Variants in DAB1 observed in about 807,000 individuals in gnomAD.
DAB1 encodes disabled homolog 1.
Under a neutral mutation model 64.6 loss-of-function variants are expected in DAB1, and 15 were observed. The ratio of observed to expected loss-of-function variants is 0.23; its 90% confidence interval spans 0.16 to 0.36. The LOEUF (loss-of-function observed/expected upper bound fraction) is 0.36, where lower values mean the gene tolerates loss of function less well. Among genes scored for constraint, DAB1 ranks in the 10% least tolerant of loss-of-function variants. DAB1 has a pLI of 1.00. For missense variants in DAB1, 596 were observed against 706.7 expected (o/e 0.84, Z 1.78); for synonymous variants, 235 against 251.9 (o/e 0.93, Z 0.64).
At chr1:57,972,453 G>A (rs1645820608) in intron 5 of DAB1, among the ~76,000 whole-genome samples, 1 of 152,028 alleles carries the variant, frequency 6.6e-6, no homozygotes, top group African/African-American at 2.4e-5. Flanking sequence ...ATGTTGCCCA[G>A]GCTGGTCTCG....
intron 4 of DAB1, among the ~76,000 whole-genome samples, chr1:58,150,867 G>A (rs1654890196): frequency 1.3e-5 from 2 of 151,716 alleles, no homozygotes; most frequent in Admixed American, 6.6e-5. Context: ...GACAAGCCCT[G>A]GTGTGTGATG....
intron 7 of DAB1, among the ~76,000 whole-genome samples, chr1:57,606,976 G>A (rs889949911): frequency 2.6e-5 from 4 of 151,336 alleles, no homozygotes; most frequent in African/African-American, 7.3e-5. Context: ...TAATAGAGAC[G>A]GGGTGTCACC....
At chr1:57,913,324 AC>A (rs1317055208) in intron 5 of DAB1, among the ~76,000 whole-genome samples, 3 of 152,230 alleles carry the variant, frequency 2.0e-5, no homozygotes, top group Non-Finnish European at 4.4e-5. Flanking sequence ...GACAACCCTG[AC>A]AAAAACAAGA....
rs550682750 is a variant in DAB1, at chr1:58,344,151, G to A, written n.258-748C>T. Among the ~76,000 whole-genome samples, 1,174 of 152,140 alleles carry A rather than the reference G, an allele frequency of 7.7e-3. 7 individuals are homozygous for A. The highest frequency in any genetic ancestry group is 0.012 in the Non-Finnish European group (828 of 68,022). Reference sequence around the variant, plus strand: ...AAGTTACTTAACCTCTCTGAGTCTCGCTGTTCTCAACTGGCAAGACAAGCA... The same window carrying A: ...AAGTTACTTAACCTCTCTGAGTCTCACTGTTCTCAACTGGCAAGACAAGCA... On this transcript the variant is annotated intron_variant and non_coding_transcript_variant, in intron 3 of 20. Transcript: ENST00000485760.
intron 4 of DAB1, among the ~76,000 whole-genome samples, chr1:57,084,116 A>T (rs1387222768): frequency 1.3e-5 from 2 of 152,252 alleles, no homozygotes; most frequent in East Asian, 3.9e-4. Context: ...AGTACTTCAG[A>T]AAGTGATCTT....
intron 1 of DAB1, among the ~76,000 whole-genome samples, chr1:57,307,960 C>G (rs1233594664): frequency 1.3e-5 from 2 of 152,208 alleles, no homozygotes; most frequent in African/African-American, 4.8e-5. Context: ...TGTTGAATCT[C>G]TGCACCTTTG....
At chr1:57,695,350 AAGAAAAGAAAG>A (rs1646818851) in intron 6 of DAB1, among the ~76,000 whole-genome samples, 1 of 118,108 alleles carries the variant, frequency 8.5e-6, no homozygotes, top group Non-Finnish European at 1.8e-5. Context: ...GAAAGAAAGA[AAGAAAAGAAAG>A]AAGAAAGAAA....
At chr1:57,995,718 G>T (rs1433347618) in intron 5 of DAB1, among the ~76,000 whole-genome samples, 3 of 151,968 alleles carry the variant, frequency 2.0e-5, no homozygotes, top group African/African-American at 4.8e-5. Context: ...TAGGGAAAAA[G>T]GACTAGCGAG....
intron 2 of DAB1, among the ~76,000 whole-genome samples, chr1:57,167,111 A>T (rs1661275204): frequency 6.6e-6 from 1 of 152,214 alleles, no homozygotes; most frequent in African/African-American, 2.4e-5. Flanking sequence ...TGAGGCTGGG[A>T]ATATAAGTCT....
At chr1:57,607,025 G>C (rs1645663204) in intron 7 of DAB1, among the ~76,000 whole-genome samples, 1 of 148,134 alleles carries the variant, frequency 6.8e-6, no homozygotes, top group South Asian at 2.2e-4. Flanking sequence ...GACCTCAGAT[G>C]ATCCATCTGC....
chr1:58,140,981 G>A (rs776265730), intron 5 of DAB1, among the ~76,000 whole-genome samples: 7 of 152,152 alleles, frequency 4.6e-5, no homozygotes, highest in Non-Finnish European at 7.3e-5. Context: ...ATAAAGAAAA[G>A]AGGTTTAATT....
chr1:57,321,531 G>C (rs1675714375), intron 1 of DAB1, among the ~76,000 whole-genome samples: 1 of 152,118 alleles, frequency 6.6e-6, no homozygotes, highest in Non-Finnish European at 1.5e-5. Context: ...TTTTATACAT[G>C]GGCGTGTAAA....
chr1:57,646,008 T>C lies in DAB1; in HGVS notation n.625+3584A>G, dbSNP rs535091248. Among the ~76,000 whole-genome samples the C allele has an allele frequency of 2.0e-5, 3 of 152,018 alleles. No homozygotes were observed. The South Asian group carries it at 6.2e-4, about 32-fold the overall frequency. ...GAGGAAATAAAAACAAAGAGTCATA[T>C]AGGAGGCACTAAAGGGAAGAACTGA... On this transcript the variant is annotated intron_variant and non_coding_transcript_variant, in intron 7 of 20. Coordinates refer to the DAB1 transcript ENST00000485760.
Position 57,048,583 on chromosome 1 carries a change from T to C in DAB1, c.723+14301A>G, listed in dbSNP as rs1267596033. On this transcript the variant is annotated intron_variant, in intron 9 of 14. Coordinates refer to ENST00000371236, the MANE Select transcript of DAB1 (RefSeq NM_001365792.1). The stretch of plus-strand genomic sequence containing the variant: ...CTTCTCCTACCCACGTAATAACGAG[T>C]GGATTATTCTGGACAGTAGTTTTCA... Among the ~76,000 whole-genome samples, 3 of 152,156 alleles carry C rather than the reference T, an allele frequency of 2.0e-5. No individual in the cohort carries two copies. In the East Asian group the frequency reaches 5.8e-4, roughly 29 times the overall value.
chr1:57,781,126 C>CTCTATATA (rs1557477160), intron 6 of DAB1, among the ~76,000 whole-genome samples: 2 of 27,726 alleles, frequency 7.2e-5, no homozygotes, highest in Non-Finnish European at 6.4e-5. Flanking sequence ...CTCTCTCTCT[C>CTCTATATA]TATATATATA....
At chr1:57,446,323 C>A (rs1257558614) in intron 7 of DAB1, among the ~76,000 whole-genome samples, 1 of 152,064 alleles carries the variant, frequency 6.6e-6, no homozygotes, top group Non-Finnish European at 1.5e-5. Context: ...TTAGGCCAGG[C>A]GTGGTGGCTC....
chr1:57,511,639 A>C (rs1644406513), intron 7 of DAB1, among the ~76,000 whole-genome samples: 1 of 152,122 alleles, frequency 6.6e-6, no homozygotes, highest in South Asian at 2.1e-4. Context: ...TGAGGAATGT[A>C]AGCTCCATGA....
At chr1:57,337,993 TCTTC>T (rs1274883614) in intron 1 of DAB1, among the ~76,000 whole-genome samples, 1 of 151,468 alleles carries the variant, frequency 6.6e-6, no homozygotes. Flanking sequence ...TCCTTCTTCT[TCTTC>T]TTCTGAGACA....
chr1:57,387,170 G>T (rs1188121472), intron 1 of DAB1: 1 of 152,158 alleles, frequency 6.6e-6, no homozygotes, highest in Admixed American at 6.5e-5. Context: ...GCCTCTCCAA[G>T]CCTCAGTTTC....
Sources: allele counts gnomAD v4.1 joint callset (sites outside exome capture counted in the v4.1 genomes callset), GRCh38; gene constraint gnomAD v4.1.1; transcripts MANE v1.5; gene names NCBI Gene and HGNC (gene_info 2026-07-23, HGNC 2026-07-21).